RAI14: variants seen among roughly 807,000 people sequenced by gnomAD.
The protein encoded by RAI14 is ankycorbin.
Under a neutral mutation model 115.4 loss-of-function variants are expected in RAI14, and 45 were observed. The observed-to-expected ratio is 0.39, with a 90% CI of 0.31 to 0.50. RAI14 has a LOEUF of 0.50. Ranked by LOEUF, RAI14 falls within the 20% of genes least tolerant of loss-of-function variation. RAI14 has a pLI of 0.85. For missense variants in RAI14, 939 were observed against 1,131.2 expected, an observed-to-expected ratio of 0.83 and a Z score of 2.44; for synonymous variants, 371 against 415.4, an observed-to-expected ratio of 0.89 and a Z score of 1.30.
intron 14 of RAI14, among the ~76,000 whole-genome samples, chr5:34,822,246 G>A (rs866364421): frequency 2.6e-5 from 2 of 75,726 alleles, no homozygotes; most frequent in South Asian, 4.3e-4. Context: ...ATGTATGTGT[G>A]TATGTATATA....
intron 4 of RAI14, 94 bp downstream of exon 4, chr5:34,796,121 T>C: frequency 2.0e-6 from 2 of 995,346 alleles, no homozygotes; most frequent in Non-Finnish European, 3.1e-6. Context: ...TAAGGCCAGG[T>C]GTGGTAACTC....
At chr5:34,772,490 G>A (rs1750293548) in intron 3 of RAI14, among the ~76,000 whole-genome samples, 1 of 152,148 alleles carries the variant, frequency 6.6e-6, no homozygotes, top group Non-Finnish European at 1.5e-5. Flanking sequence ...ACCCCTCACA[G>A]GCTTGTTGTG....
At chr5:34,776,450 A>G (rs1750845789) in intron 3 of RAI14, among the ~76,000 whole-genome samples, 1 of 152,190 alleles carries the variant, frequency 6.6e-6, no homozygotes, top group Non-Finnish European at 1.5e-5. Flanking sequence ...GAAAGGATAA[A>G]TGCTTGAAGT....
At position 34,765,768 on chromosome 5, in the gene RAI14, T is replaced by C. The variant is rs558668690; in HGVS notation, c.167+8170T>C. On this transcript the variant is annotated intron_variant, in intron 3 of 17. Transcript: ENST00000265109. ...GTAGCAAGGAGCCTTCCCAAGACCA[T>C]GGGGAAAATGTCTCCAGGCCATGCC... Among the ~76,000 whole-genome samples the C allele has an allele frequency of 1.8e-4, 28 of 152,206 alleles. No individual in the cohort carries two copies. The South Asian group carries it at 5.6e-3, about 30-fold the overall frequency.
intron 3 of RAI14, among the ~76,000 whole-genome samples, chr5:34,762,200 T>TG (rs1482434354): frequency 2.6e-5 from 4 of 152,130 alleles, no homozygotes; most frequent in Non-Finnish European, 4.4e-5. Context: ...TGCTTAGGGG[T>TG]GAATTAACTT....
chr5:34,684,019 G>T (rs370875776), intron 1 of RAI14, among the ~76,000 whole-genome samples: 1 of 152,194 alleles, frequency 6.6e-6, no homozygotes, highest in South Asian at 2.1e-4. Flanking sequence ...GAGCCACCGT[G>T]CCCGGCCGGC....
At chr5:34,776,067 A>G (rs1750798002) in intron 3 of RAI14, among the ~76,000 whole-genome samples, 1 of 152,364 alleles carries the variant, frequency 6.6e-6, no homozygotes, top group Admixed American at 6.5e-5. Flanking sequence ...GGACATATAC[A>G]CAATGGAGTA....
rs200351326 is a variant in RAI14 at position 34,674,591 on chromosome 5, T to TTTG, written c.-48-12279_-48-12278insGTT. On this transcript the variant is annotated intron_variant, in intron 1 of 17. Coordinates refer to ENST00000265109, the MANE Select transcript of RAI14 (RefSeq NM_015577.3). The stretch of plus-strand genomic sequence containing the variant: ...CTTTTTGAATCGGATCTTTTGTTTT[T>TTTG]TTTTTTTTTTTGAGGCAGAATCTCC... Among the ~76,000 whole-genome samples, 507 of 151,532 alleles carry TTTG rather than the reference T, an allele frequency of 3.3e-3. 2 individuals are homozygous for TTTG. The highest frequency in any genetic ancestry group is 0.012 in the African/African-American group (476 of 41,194).
intron 3 of RAI14, 75 bp from the exon 4 acceptor site, chr5:34,795,864 G>T (rs899292978): frequency 8.6e-7 from 1 of 1,156,308 alleles, no homozygotes; most frequent in Non-Finnish European, 1.3e-6. Flanking sequence ...GGCGGGGGGC[G>T]GGGGGGAAAC....
intron 2 of RAI14, among the ~76,000 whole-genome samples, chr5:34,720,381 A>G (rs1452256193): frequency 1.4e-5 from 2 of 147,264 alleles, no homozygotes; most frequent in Non-Finnish European, 3.0e-5. Flanking sequence ...TCTGAAAGTC[A>G]TTCTATGACC....
At chr5:34,804,886 A>G (rs1358527040) in intron 5 of RAI14, among the ~76,000 whole-genome samples, 1 of 152,088 alleles carries the variant, frequency 6.6e-6, no homozygotes, top group Non-Finnish European at 1.5e-5. Context: ...TAAGTAATTG[A>G]TTTATGTTTT....
chr5:34,773,118 TCAAA>T (rs1190671676), intron 3 of RAI14, among the ~76,000 whole-genome samples: 1 of 152,164 alleles, frequency 6.6e-6, no homozygotes, highest in Non-Finnish European at 1.5e-5. Context: ...AAGTTTGTTT[TCAAA>T]CAAACTTTGA....
intron 2 of RAI14, 39 bp from the exon 3 acceptor site, chr5:34,757,429 G>T: frequency 6.2e-7 from 1 of 1,609,648 alleles, no homozygotes; most frequent in Non-Finnish European, 8.5e-7. Flanking sequence ...GCTGTGGCCA[G>T]TGTTGTTCAT....
chr5:34,686,341 T>C (rs1453617451), intron 1 of RAI14: 1 of 41,222 alleles, frequency 2.4e-5, no homozygotes, highest in African/African-American at 7.9e-5. Context: ...GGTGGGGATG[T>C]GGGAGTGGGG....
At chr5:34,796,170 G>T in intron 4 of RAI14, 143 bp downstream of exon 4, 1 of 620,680 alleles carries the variant, frequency 1.6e-6, no homozygotes, top group East Asian at 2.8e-5. Flanking sequence ...TGAGGTGTGT[G>T]GATCACTTGA....
intron 2 of RAI14, among the ~76,000 whole-genome samples, chr5:34,721,352 A>C (rs1410223454): frequency 1.3e-5 from 2 of 149,018 alleles, no homozygotes; most frequent in Non-Finnish European, 3.0e-5. Context: ...TATTGTATAC[A>C]TACATATAAA....
chr5:34,741,113 C>A (rs1252931974), intron 2 of RAI14, among the ~76,000 whole-genome samples: 1 of 152,138 alleles, frequency 6.6e-6, no homozygotes, highest in South Asian at 2.1e-4. Flanking sequence ...TGTGGAACAT[C>A]CCCTCCAAGC....
intron 1 of RAI14, among the ~76,000 whole-genome samples, chr5:34,662,485 G>A (rs1230686224): frequency 6.6e-6 from 1 of 152,088 alleles, no homozygotes; most frequent in Non-Finnish European, 1.5e-5. Flanking sequence ...TAGGGAAAAG[G>A]AGTCTAGATT....
At chr5:34,659,749 T>C (rs1000582600) in intron 1 of RAI14, among the ~76,000 whole-genome samples, 1 of 152,366 alleles carries the variant, frequency 6.6e-6, no homozygotes, top group African/African-American at 2.4e-5. Context: ...CATTTATTAT[T>C]CATTCTTCAA....
Sources: allele counts gnomAD v4.1 joint callset (sites outside exome capture counted in the v4.1 genomes callset), GRCh38; gene constraint gnomAD v4.1.1; transcripts MANE v1.5; gene names NCBI Gene and HGNC (gene_info 2026-07-23, HGNC 2026-07-21).